The following WASHC5 variants were observed in gnomAD, a reference collection of about 807,000 sequenced individuals.
The protein encoded by WASHC5 is WASH complex subunit 5.
A neutral mutation model predicts 150.4 loss-of-function variants in WASHC5; 101 were observed. The ratio of observed to expected loss-of-function variants is 0.67; its 90% CI spans 0.57 to 0.79. The LOEUF (loss-of-function observed/expected upper bound fraction) is 0.79, where lower values mean the gene tolerates loss of function less well. WASHC5 is among the 30% of genes least tolerant of loss of function. The pLI, the probability that WASHC5 is intolerant of heterozygous loss-of-function variation, is 0.00. For missense variants in WASHC5, 1,195 were observed against 1,396.3 expected, an observed-to-expected ratio of 0.86 and a Z score of 2.30; for synonymous variants, 467 against 491.2, an observed-to-expected ratio of 0.95 and a Z score of 0.65.
chr8:125,038,455 A>G (rs933209357), intron 25 of WASHC5, among the ~76,000 whole-genome samples: 1 of 152,168 alleles, frequency 6.6e-6, no homozygotes, highest in African/African-American at 2.4e-5. Flanking sequence ...TGTAGCTTCT[A>G]TGATGAGTGG....
intron 1 of WASHC5, among the ~76,000 whole-genome samples, chr8:125,089,833 G>A (rs1370477309): frequency 6.6e-6 from 1 of 152,044 alleles, no homozygotes; most frequent in Non-Finnish European, 1.5e-5. Context: ...ACATGAGGAG[G>A]ATAATAATAA....
intron 28 of WASHC5, among the ~76,000 whole-genome samples, chr8:125,028,050 T>C (rs1815420996): frequency 6.6e-6 from 1 of 152,224 alleles, no homozygotes; most frequent in South Asian, 2.1e-4. Context: ...TACTAATTTC[T>C]AAAAATCAAA....
intron 21 of WASHC5, 180 bp downstream of exon 21, chr8:125,044,356 G>A (rs1815991889): frequency 1.4e-6 from 1 of 736,118 alleles, no homozygotes; most frequent in African/African-American, 1.8e-5. Context: ...AAAGTACTAT[G>A]CTGGCCAAAC....
chr8:125,049,817 G>A (rs780633131), intron 18 of WASHC5, among the ~76,000 whole-genome samples: 9 of 152,104 alleles, frequency 5.9e-5, no homozygotes, highest in Non-Finnish European at 1.0e-4. Context: ...CTCCAGCCTG[G>A]GAGACAGAGC....
intron 10 of WASHC5, among the ~76,000 whole-genome samples, chr8:125,065,908 C>T (rs903882620): frequency 6.6e-6 from 1 of 152,150 alleles, no homozygotes; most frequent in African/African-American, 2.4e-5. Context: ...TGAGCCACTG[C>T]ACTCGACTGG....
intron 3 of WASHC5, 43 bp downstream of exon 3, chr8:125,083,070 A>G (rs1362605699): frequency 4.7e-6 from 6 of 1,275,342 alleles, no homozygotes; most frequent in Non-Finnish European, 6.8e-6. Context: ...TTCCCTCTCC[A>G]CTATTTACTA....
At chr8:125,054,819 CAA>C (rs111810991) in intron 17 of WASHC5, among the ~76,000 whole-genome samples, 7 of 130,932 alleles carry the variant, frequency 5.3e-5, no homozygotes, top group Non-Finnish European at 8.3e-5. Flanking sequence ...ACCCTTGTCT[CAA>C]AAAAAAAAAA....
At position 125,039,499 on chromosome 8, in the gene WASHC5, GCTCT is replaced by G. The variant is rs372484812; in HGVS notation, c.2954+292_2954+295del. ...GCAGTGTCTGGTGTGTCTCTCACTC[GCTCT>G]CTCTAATGAATTCATTTGTTCAGCA... On this transcript the variant is annotated intron_variant, in intron 24 of 28. Transcript: ENST00000318410. 1.2e-4 allele frequency among the ~76,000 whole-genome samples: 19 copies of G among 152,168 alleles called. No homozygotes were observed. In the South Asian group the frequency reaches 1.9e-3, roughly 15 times the overall value.
chr8:125,037,127 C>G (rs952131600), intron 26 of WASHC5, 110 bp downstream of exon 26: 1 of 717,918 alleles, frequency 1.4e-6, no homozygotes, highest in African/African-American at 1.8e-5. Context: ...ATAAATTTAA[C>G]TAAGAAAAGA....
intron 26 of WASHC5, among the ~76,000 whole-genome samples, chr8:125,033,831 G>T (rs912781421): frequency 2.6e-5 from 4 of 151,962 alleles, no homozygotes; most frequent in African/African-American, 9.7e-5. Flanking sequence ...TACAGGCATG[G>T]GCCACTGTGC....
intron 4 of WASHC5, 68 bp downstream of exon 4, chr8:125,082,314 TA>T: frequency 2.2e-6 from 2 of 918,012 alleles, no homozygotes; most frequent in East Asian, 4.9e-5. Flanking sequence ...ATTTGTGACT[TA>T]AAAGAAAAAA....
chr8:125,041,954 T>A (rs1264833741), intron 23 of WASHC5, among the ~76,000 whole-genome samples: 1 of 152,184 alleles, frequency 6.6e-6, no homozygotes, highest in African/African-American at 2.4e-5. Flanking sequence ...ATTCTTTGCT[T>A]AATTTTCTAT....
At position 125,059,399 on chromosome 8, in the gene WASHC5, A is replaced by G; in HGVS notation, c.1665T>C (p.Ser555=). ...LITMQIVGDL[S]FAWQLIDSFT... is the part of the protein sequence containing the mutation. ...ACCTGTCAATCAACTGCCAAGCGAA[A>G]GAAAGGTCCCCAACGATCTGCATTG... Residue 555 remains serine, a synonymous_variant, in exon 13 of 29, where the codon TCT becomes TCC. Transcript: ENST00000318410. 6.2e-7 allele frequency: 1 copy of G among 1,614,222 alleles called. No homozygotes were observed. The highest frequency in any genetic ancestry group is 1.3e-5 in the African/African-American group (1 of 75,068).
At chr8:125,086,036 C>T (rs1817410366) in intron 1 of WASHC5, among the ~76,000 whole-genome samples, 1 of 152,136 alleles carries the variant, frequency 6.6e-6, no homozygotes, top group Non-Finnish European at 1.5e-5. Flanking sequence ...CAATTCCTTG[C>T]CATGAAGTCA....
Position 125,024,325 on chromosome 8 carries a change from AAACT to A in WASHC5, c.*288_*291del. 4.5e-6 allele frequency: 2 copies of A among 443,468 alleles called. No individual in the cohort carries two copies. Among genetic ancestry groups the A allele is most frequent in the South Asian group, 5.1e-5 (2 of 38,900 alleles). 27.5% of individuals were successfully genotyped at this position (443,468 alleles called of 1,614,324 possible). On this transcript the variant is annotated 3_prime_UTR_variant, in exon 29 of 29. Transcript: ENST00000318410. ...TGCACAAATAGTTCTTTAGAACATA[AAACT>A]AAATGGATTTATACATAACAGTTAC...
rs778229822 is a variant in WASHC5 at position 125,081,730 on chromosome 8, A to G, written c.449T>C (p.Leu150Pro). The change falls in exon 5 of 29, where the codon CTA becomes CCA. Residue 150 changes from leucine to proline, a missense_variant. Transcript: ENST00000318410. ...CEALYLYGVM[L>P]LVIDQKIEGE... The stretch of plus-strand genomic sequence containing the variant: ...TTCAATCTTTTGGTCAATGACCAGT[A>G]GCATAACTCCATATAAGTACAGTGC... 5 of 1,612,170 alleles carry G rather than the reference A, an allele frequency of 3.1e-6. No individual in the cohort carries two copies. In the Admixed American group the frequency reaches 6.7e-5, roughly 21 times the overall value.
chr8:125,039,948 G>A (rs763553443), intron 23 of WASHC5, 50 bp from the exon 24 acceptor site: 1 of 1,211,314 alleles, frequency 8.3e-7, no homozygotes, highest in South Asian at 1.2e-5. Flanking sequence ...GCATTTCAGA[G>A]TGACAGTGAG....
At chr8:125,066,449 T>C (rs1373438211) in intron 10 of WASHC5, among the ~76,000 whole-genome samples, 1 of 152,202 alleles carries the variant, frequency 6.6e-6, no homozygotes, top group Non-Finnish European at 1.5e-5. Flanking sequence ...CCCCCAGGGA[T>C]ACTGGTTATA....
intron 23 of WASHC5, among the ~76,000 whole-genome samples, chr8:125,040,208 A>G (rs941607340): frequency 1.3e-5 from 2 of 152,138 alleles, no homozygotes; most frequent in African/African-American, 2.4e-5. Flanking sequence ...TTTTGAAGCT[A>G]TATTTTTAAC....
Sources: allele counts gnomAD v4.1 joint callset (sites outside exome capture counted in the v4.1 genomes callset), GRCh38; gene constraint gnomAD v4.1.1; transcripts MANE v1.5; gene names NCBI Gene and HGNC (gene_info 2026-07-23, HGNC 2026-07-21).